The following OPRM1 variants were observed in gnomAD, a reference collection of about 807,000 sequenced individuals.
OPRM1 encodes the protein opioid receptor mu 1, also known as mu-type opioid receptor.
In OPRM1, 27 loss-of-function variants were observed where a neutral mutation model predicts 31.8. The observed-to-expected ratio is 0.85, with a 90% CI of 0.63 to 1.17. The LOEUF is 1.17. OPRM1 is among the 50% of genes most tolerant of loss of function. OPRM1 has a pLI of 0.00. For missense variants in OPRM1, 536 were observed against 511.1 expected, an observed-to-expected ratio of 1.05 and a Z score of -0.47; for synonymous variants, 196 against 189.9, an observed-to-expected ratio of 1.03 and a Z score of -0.26.
intron 3 of OPRM1, among the ~76,000 whole-genome samples, chr6:154,169,551 C>T (rs1799706951): frequency 6.6e-6 from 1 of 152,190 alleles, no homozygotes; most frequent in African/African-American, 2.4e-5. Flanking sequence ...AACTACTGCC[C>T]TAGATGATTG....
chr6:154,140,211 C>T (rs917181354), intron 3 of OPRM1, among the ~76,000 whole-genome samples: 4 of 152,208 alleles, frequency 2.6e-5, no homozygotes, highest in African/African-American at 4.8e-5. Flanking sequence ...CTTTTATCCT[C>T]CCCAGAGGAA....
intron 3 of OPRM1, among the ~76,000 whole-genome samples, chr6:154,226,453 A>C (rs1020809952): frequency 2.0e-5 from 3 of 151,946 alleles, no homozygotes; most frequent in Non-Finnish European, 4.4e-5. Flanking sequence ...GCCAGTTGCC[A>C]AAACAGGACA....
chr6:154,219,831 G>A (rs970389054), intron 3 of OPRM1, among the ~76,000 whole-genome samples: 6 of 152,126 alleles, frequency 3.9e-5, no homozygotes, highest in Admixed American at 2.0e-4. Flanking sequence ...TCAACTGTCC[G>A]TTCCTTGCCT....
At chr6:154,178,123 AGACTGGGGC>A (rs1800508009) in intron 3 of OPRM1, among the ~76,000 whole-genome samples, 1 of 129,276 alleles carries the variant, frequency 7.7e-6, no homozygotes, top group Non-Finnish European at 1.6e-5. Flanking sequence ...GGAACATCAC[AGACTGGGGC>A]CTGTTGGTGG....
In OPRM1 at chr6:154,130,170, C is replaced by CTTTTT. The variant is rs57493678; in HGVS notation, c.*11463_*11467dup. ...GATTTCATGGAAATGTTTAAATTTTCTTTTTTTTTTTTTTTTTTGATGGAG... is the reference window on the plus strand; with the variant it reads ...GATTTCATGGAAATGTTTAAATTTTCTTTTTTTTTTTTTTTTTTTTTTTGATGGAG... On this transcript the variant is annotated 3_prime_UTR_variant, in exon 4 of 4. Transcript: ENST00000330432. Among the ~76,000 whole-genome samples the CTTTTT allele has an allele frequency of 1.4e-5, 1 of 71,786 alleles. No homozygotes were observed. Among genetic ancestry groups the CTTTTT allele is most frequent in the Non-Finnish European group, 2.9e-5 (1 of 34,910 alleles). 47.1% of individuals were successfully genotyped at this position (71,786 alleles called of 152,430 possible). A position where few individuals can be genotyped will look rare whatever the true frequency, so the allele number is the denominator to read the frequency against.
chr6:154,208,318 T>C (rs1777671806), intron 3 of OPRM1, among the ~76,000 whole-genome samples: 1 of 152,074 alleles, frequency 6.6e-6, no homozygotes, highest in African/African-American at 2.4e-5. Context: ...CTTGGAAAAC[T>C]TTTCCCCCAA....
At chr6:154,179,360 C>T (rs1046382666) in intron 3 of OPRM1, among the ~76,000 whole-genome samples, 1 of 152,078 alleles carries the variant, frequency 6.6e-6, no homozygotes, top group Non-Finnish European at 1.5e-5. Context: ...ATATATTTTT[C>T]TAAATTAGAA....
intron 3 of OPRM1, chr6:154,094,221 A>G: frequency 1.6e-6 from 2 of 1,287,602 alleles, no homozygotes; most frequent in Middle Eastern, 4.3e-4. Context: ...TCAGAGATCC[A>G]ATATCAAACC....
chr6:154,155,089 G>C (rs955685379), intron 3 of OPRM1: 1 of 152,102 alleles, frequency 6.6e-6, no homozygotes, highest in Non-Finnish European at 1.5e-5. Context: ...GGTCATGTGG[G>C]AAAGAACTGA....
At chr6:154,199,858 C>T (rs1199847900) in intron 3 of OPRM1, 9 of 1,614,042 alleles carry the variant, frequency 5.6e-6, no homozygotes, top group East Asian at 4.5e-5. Flanking sequence ...GCACAGCAAA[C>T]GTTATTGGTT....
chr6:154,018,106 G>A (rs896392808), intron 1 of OPRM1, among the ~76,000 whole-genome samples: 1 of 152,108 alleles, frequency 6.6e-6, no homozygotes, highest in African/African-American at 2.4e-5. Flanking sequence ...TAAACAAAGA[G>A]ATTTTTTTCT....
intron 3 of OPRM1, among the ~76,000 whole-genome samples, chr6:154,097,354 A>G (rs1048349646): frequency 1.8e-4 from 27 of 152,350 alleles, no homozygotes; most frequent in African/African-American, 6.5e-4. Context: ...CTAAAAGCAG[A>G]AGCCTACTTT....
chr6:154,237,799 T>C (rs1294569447), intron 3 of OPRM1, among the ~76,000 whole-genome samples: 1 of 152,202 alleles, frequency 6.6e-6, no homozygotes, highest in African/African-American at 2.4e-5. Context: ...CACATATACA[T>C]ATGTATGTTT....
intron 3 of OPRM1, among the ~76,000 whole-genome samples, chr6:154,197,471 T>C (rs963431859): frequency 2.6e-5 from 4 of 152,118 alleles, no homozygotes; most frequent in Non-Finnish European, 4.4e-5. Context: ...AACAAATCAA[T>C]GAGAGAAAAA....
intron 3 of OPRM1, among the ~76,000 whole-genome samples, chr6:154,245,507 A>C (rs1780959378): frequency 6.6e-6 from 1 of 152,200 alleles, no homozygotes; most frequent in Non-Finnish European, 1.5e-5. Context: ...AGTGAATGTA[A>C]ATTTATCAAC....
intron 1 of OPRM1, among the ~76,000 whole-genome samples, chr6:154,048,696 T>C (rs1217605316): frequency 1.3e-5 from 2 of 152,234 alleles, no homozygotes; most frequent in Non-Finnish European, 2.9e-5. Flanking sequence ...TGTTCATGCA[T>C]ATTTAGCTTT....
chr6:154,132,484 A>C (rs1218665588), downstream of OPRM1, among the ~76,000 whole-genome samples: 1 of 152,224 alleles, frequency 6.6e-6, no homozygotes, highest in Non-Finnish European at 1.5e-5. Flanking sequence ...TTGATACTAA[A>C]TAAATACTTC....
At chr6:154,192,318 CTGTGTGTG>C (rs56231733) in intron 3 of OPRM1, among the ~76,000 whole-genome samples, 1,890 of 148,120 alleles carry the variant, frequency 0.013, 23 homozygotes, top group African/African-American at 0.031. Flanking sequence ...CACGTGGTTA[CTGTGTGTG>C]TGTGTGTGTG....
chr6:154,183,544 T>G (rs1379773799), intron 3 of OPRM1, among the ~76,000 whole-genome samples: 2 of 152,196 alleles, frequency 1.3e-5, no homozygotes, highest in Non-Finnish European at 2.9e-5. Context: ...AGAGGTGCGC[T>G]CTATAGAATA....
Sources: allele counts gnomAD v4.1 joint callset (sites outside exome capture counted in the v4.1 genomes callset), GRCh38; gene constraint gnomAD v4.1.1; transcripts MANE v1.5; gene names NCBI Gene and HGNC (gene_info 2026-07-23, HGNC 2026-07-21).